The following GRK1 variants were observed in gnomAD, a reference collection of about 807,000 sequenced individuals.
The protein encoded by GRK1 is G protein-coupled receptor kinase 1.
GRK1 carries 28 observed loss-of-function variants against 41.7 expected under a neutral mutation model. That is an observed-to-expected ratio of 0.67 (90% CI 0.50 to 0.92). The LOEUF (loss-of-function observed/expected upper bound fraction) is 0.92, where lower values mean the gene tolerates loss of function less well. GRK1 is among the 40% of genes least tolerant of loss of function. The pLI, the probability that GRK1 is intolerant of heterozygous loss-of-function variation, is 0.00. For synonymous variants in GRK1, 327 were observed against 286.7 expected, an observed-to-expected ratio of 1.14 and a Z score of -1.42; for missense variants, 703 against 671.2, an observed-to-expected ratio of 1.05 and a Z score of -0.52.
At chr13:113,723,887 T>C (rs2049873403) in intron 4 of GRK1, among the ~76,000 whole-genome samples, 1 of 151,836 alleles carries the variant, frequency 6.6e-6, no homozygotes, top group East Asian at 1.9e-4. Flanking sequence ...TGCACACACG[T>C]GTCCGTGTAC....
intron 6 of GRK1, among the ~76,000 whole-genome samples, chr13:113,733,861 A>G (rs527748791): frequency 2.0e-4 from 20 of 98,250 alleles, no homozygotes; most frequent in South Asian, 6.5e-4. Flanking sequence ...ATGTGTGCAT[A>G]CGTGTGTGCG....
chr13:113,667,404 G>C lies in GRK1; in HGVS notation c.18G>C (p.Leu6Phe). 2 of 1,585,102 alleles carry C rather than the reference G, an allele frequency of 1.3e-6. No homozygotes were observed. The highest frequency in any genetic ancestry group is 1.7e-6 in the Non-Finnish European group (2 of 1,164,992). The change falls in exon 1 of 7, where the codon TTG (leucine) becomes TTC (phenylalanine). Residue 6 changes from leucine to phenylalanine, a missense_variant. Coordinates refer to ENST00000335678, the MANE Select transcript of GRK1 (RefSeq NM_002929.3). The surrounding 1 kb of genome is among the most constrained non-coding windows in gnomAD (Gnocchi z 7.5). Reference protein sequence around the residue: MDFGSLETVVANSAFI... With the variant: MDFGSFETVVANSAFI... ...GCTCCGGGATGGATTTCGGGTCTTT[G>C]GAGACCGTGGTGGCCAACTCTGCCT... is the stretch of plus-strand genomic sequence containing the variant.
upstream of GRK1, among the ~76,000 whole-genome samples, chr13:113,664,866 C>G (rs995676545): frequency 6.6e-6 from 1 of 152,242 alleles, no homozygotes; most frequent in Non-Finnish European, 1.5e-5. The surrounding 1 kb of genome is among the most constrained non-coding windows in gnomAD (Gnocchi z 5.4). Context: ...ATTGGGTGAG[C>G]AGGCAGGAAG....
At chr13:113,723,788 GTC>G (rs1009096699) in intron 4 of GRK1, among the ~76,000 whole-genome samples, 5 of 151,594 alleles carry the variant, frequency 3.3e-5, no homozygotes, top group African/African-American at 1.2e-4. Context: ...ACACACGTGT[GTC>G]TGTGTGCCTG....
Position 113,667,557 on chromosome 13 carries a change from G to A in GRK1, c.171G>A (p.Glu57=). The change falls in exon 1 of 7, where the codon GAG becomes GAA. Residue 57 remains glutamate (E), a synonymous_variant. Coordinates refer to ENST00000335678, the MANE Select transcript of GRK1 (RefSeq NM_002929.3). The surrounding 1 kb of genome is among the most constrained non-coding windows in gnomAD (Gnocchi z 7.5). The part of the protein sequence containing the change: ...CESLRDSLSL[E]FESVCLEQPI... ...CCCTCCGCGACAGCCTCAGCCTGGA[G>A]TTTGAGAGTGTGTGCTTGGAGCAGC... is the stretch of plus-strand genomic sequence containing the variant. 1 of 1,613,648 alleles carries A rather than the reference G, an allele frequency of 6.2e-7. No homozygotes were observed. Among genetic ancestry groups the A allele is most frequent in the Non-Finnish European group, 8.5e-7 (1 of 1,179,900 alleles).
At chr13:113,662,985 A>C (rs1158076014), upstream of GRK1, among the ~76,000 whole-genome samples, 1 of 152,246 alleles carries the variant, frequency 6.6e-6, no homozygotes, top group African/African-American at 2.4e-5. Context: ...AGAATAAGTA[A>C]ATATTTTCTT....
intron 5 of GRK1, among the ~76,000 whole-genome samples, chr13:113,732,323 C>T (rs1380508075): frequency 2.0e-5 from 3 of 152,312 alleles, no homozygotes; most frequent in African/African-American, 7.2e-5. Context: ...CAGAGTCGTC[C>T]CAGGACCACT....
At chr13:113,733,586 C>T (rs1042496898) in intron 6 of GRK1, among the ~76,000 whole-genome samples, 7 of 145,346 alleles carry the variant, frequency 4.8e-5, no homozygotes, top group Non-Finnish European at 1.0e-4. Context: ...TGTGTGCATA[C>T]GTGTGTGTGC....
At chr13:113,669,155 A>G (rs371636771) in intron 1 of GRK1, among the ~76,000 whole-genome samples, 2 of 152,364 alleles carry the variant, frequency 1.3e-5, no homozygotes, top group East Asian at 3.9e-4. Context: ...TCCCCATGTA[A>G]GTGCAGAAAG....
At chr13:113,655,001 G>A in the GRK1 span, 21 of 1,603,620 alleles carry the variant, frequency 1.3e-5, no homozygotes, top group African/African-American at 1.5e-4. Flanking sequence ...CACACAATTC[G>A]GTGGCCTTGA....
At chr13:113,652,661 G>T in the GRK1 span, 1 of 673,750 alleles carries the variant, frequency 1.5e-6, no homozygotes, top group Non-Finnish European at 2.7e-6. Context: ...GGCCGGCTAT[G>T]TGCTGGTGTC....
chr13:113,665,061 C>A (rs1278724119), upstream of GRK1, among the ~76,000 whole-genome samples: 2 of 152,176 alleles, frequency 1.3e-5, no homozygotes, highest in Non-Finnish European at 2.9e-5. Flanking sequence ...CTCTGTAGAC[C>A]CTGCCAGGTG....
chr13:113,729,555 G>T (rs147947526), intron 4 of GRK1, among the ~76,000 whole-genome samples: 2 of 152,230 alleles, frequency 1.3e-5, no homozygotes, highest in Non-Finnish European at 2.9e-5. Flanking sequence ...GAGGGGAGCC[G>T]GCAGCTGACA....
chr13:113,650,448 G>A, the GRK1 span: 1 of 1,614,148 alleles, frequency 6.2e-7, no homozygotes, highest in Non-Finnish European at 8.5e-7. This position sits in a 1 kb window ranked among gnomAD's most constrained non-coding sequence, Gnocchi z 5.0. Flanking sequence ...GCAGACTGAA[G>A]GTGCCGTTGG....
chr13:113,650,042 G>C, the GRK1 span, among the ~76,000 whole-genome samples: 1 of 152,006 alleles, frequency 6.6e-6, no homozygotes, highest in Non-Finnish European at 1.5e-5. The surrounding 1 kb of genome is among the most constrained non-coding windows in gnomAD (Gnocchi z 5.0). Flanking sequence ...GTGTGCCTGT[G>C]GTCTCAGCTA....
intron 6 of GRK1, 90 bp downstream of exon 6, chr13:113,733,175 C>G (rs945712676): frequency 7.5e-7 from 1 of 1,337,462 alleles, no homozygotes; most frequent in African/African-American, 1.5e-5. Context: ...TGAGAGTCGG[C>G]AGGGAGGAGT....
intron 4 of GRK1, among the ~76,000 whole-genome samples, chr13:113,723,543 G>A (rs991378675): frequency 3.3e-5 from 5 of 152,138 alleles, no homozygotes; most frequent in South Asian, 2.1e-4. Context: ...CAGGTCATAG[G>A]AAGATGAGAG....
chr13:113,733,815 G>T lies in GRK1; in HGVS notation c.1396+730G>T, dbSNP rs1267462553. ...TGTGTATGTGTATCTGTGTGCATAC[G>T]TGTGTGCGTGTGTGTGCACGTGCGT... On this transcript the variant is annotated intron_variant, in intron 6 of 6. Transcript: ENST00000335678. Among the ~76,000 whole-genome samples, 6 of 104,988 alleles carry T rather than the reference G, an allele frequency of 5.7e-5. No individual in the cohort carries two copies. In the East Asian group the frequency reaches 1.5e-3, roughly 26 times the overall value. 68.9% of individuals were successfully genotyped at this position (104,988 alleles called of 152,430 possible).
At chr13:113,730,567 C>T (rs1442890184) in intron 4 of GRK1, among the ~76,000 whole-genome samples, 1 of 151,116 alleles carries the variant, frequency 6.6e-6, no homozygotes, top group South Asian at 2.1e-4. Flanking sequence ...CGCCCAGAGC[C>T]CTCCCTCCAT....
Sources: gnomAD v4.1 joint callset for allele counts (sites outside exome capture counted in the v4.1 genomes callset) on GRCh38, gnomAD v4.1.1 for gene constraint, Gnocchi (gnomAD v3.1) non-coding constraint, MANE v1.5 for transcripts, NCBI Gene and HGNC (gene_info 2026-07-23, HGNC 2026-07-21) for gene names.